Variants in FAR2 observed in about 807,000 individuals in gnomAD.
FAR2 encodes epididymis secretory protein Li 81.
A neutral mutation model predicts 56.0 loss-of-function variants in FAR2; 19 were observed. The observed-to-expected ratio is 0.34, with a 90% confidence interval of 0.24 to 0.50. The LOEUF (loss-of-function observed/expected upper bound fraction) is 0.50. Among genes scored for constraint, FAR2 ranks in the 20% least tolerant of loss-of-function variants. The pLI is 0.98. For synonymous variants in FAR2, 219 were observed against 218.8 expected (o/e 1.00, Z -0.01); for missense variants, 508 against 642.2 (o/e 0.79, Z 2.26).
intron 4 of FAR2, among the ~76,000 whole-genome samples, chr12:29,300,240 C>CA (rs1354010885): frequency 1.3e-5 from 2 of 152,210 alleles, no homozygotes; most frequent in Non-Finnish European, 2.9e-5. Flanking sequence ...CATATCCCCA[C>CA]ATCTTACCCT....
intron 1 of FAR2, among the ~76,000 whole-genome samples, chr12:29,150,382 G>A (rs1949672978): frequency 6.6e-6 from 1 of 152,202 alleles, no homozygotes; most frequent in Admixed American, 6.5e-5. Flanking sequence ...ATTATGTGAT[G>A]AGCAAGGACA....
At chr12:29,177,237 A>T (rs1054687679) in intron 1 of FAR2, among the ~76,000 whole-genome samples, 2 of 152,224 alleles carry the variant, frequency 1.3e-5, no homozygotes, top group Admixed American at 6.5e-5. Context: ...CCCGAATTTC[A>T]TCAGTCTTAT....
At position 29,317,021 on chromosome 12, in the gene FAR2, C is replaced by T; in HGVS notation, c.1127+9C>T. On this transcript the variant is annotated intron_variant, in intron 9 of 11. Coordinates refer to ENST00000536681, the MANE Select transcript of FAR2 (RefSeq NM_001271783.2). ...ACTGGAAGGAAGCCCAGGTGAGAAGCTGAGTCAATGGCTTTGAGAGTGTCA... is the reference window on the plus strand; with the variant it reads ...ACTGGAAGGAAGCCCAGGTGAGAAGTTGAGTCAATGGCTTTGAGAGTGTCA... The T allele has an allele frequency of 1.2e-6, 2 of 1,610,158 alleles. No homozygotes were observed. The highest frequency in any genetic ancestry group is 1.7e-6 in the Non-Finnish European group (2 of 1,177,732).
chr12:29,253,316 T>TATCTATCTAGATAGATATCTATATATAG (rs1948259604), intron 1 of FAR2, among the ~76,000 whole-genome samples: 1 of 104,900 alleles, frequency 9.5e-6, no homozygotes, highest in African/African-American at 4.5e-5. Flanking sequence ...TCTATATATC[T>TATCTATCTAGATAGATATCTATATATAG]ATATCTATCT....
At chr12:29,176,336 C>A (rs1367555189) in intron 1 of FAR2, among the ~76,000 whole-genome samples, 1 of 152,176 alleles carries the variant, frequency 6.6e-6, no homozygotes, top group Non-Finnish European at 1.5e-5. Flanking sequence ...GAGCCACTGG[C>A]CTGTCATGAA....
intron 1 of FAR2, among the ~76,000 whole-genome samples, chr12:29,244,811 G>A (rs1473512533): frequency 2.0e-5 from 3 of 152,106 alleles, no homozygotes; most frequent in Non-Finnish European, 4.4e-5. Context: ...AATGACTAAA[G>A]TCTCTACCCT....
chr12:29,322,138 T>A (rs190141606), intron 10 of FAR2, among the ~76,000 whole-genome samples: 1 of 152,322 alleles, frequency 6.6e-6, no homozygotes, highest in East Asian at 1.9e-4. Context: ...TGGACTTTGG[T>A]TAAATCTTTA....
intron 1 of FAR2, among the ~76,000 whole-genome samples, chr12:29,180,490 A>C (rs1027205393): frequency 3.9e-5 from 6 of 152,110 alleles, no homozygotes; most frequent in Admixed American, 1.3e-4. Flanking sequence ...TAGGGAGTTC[A>C]CTTAATTTGT....
intron 9 of FAR2, among the ~76,000 whole-genome samples, chr12:29,320,198 C>A (rs1253850900): frequency 6.6e-6 from 1 of 152,146 alleles, no homozygotes; most frequent in Admixed American, 6.5e-5. Flanking sequence ...TAAAGCGAGA[C>A]CCTGTCTCAG....
chr12:29,186,841 T>G (rs2136602992), intron 1 of FAR2, among the ~76,000 whole-genome samples: 1 of 152,154 alleles, frequency 6.6e-6, no homozygotes, highest in South Asian at 2.1e-4. Flanking sequence ...CAGGCTGGAG[T>G]GCAGTGGCGC....
At chr12:29,181,629 G>C (rs903407308) in intron 1 of FAR2, among the ~76,000 whole-genome samples, 3 of 152,006 alleles carry the variant, frequency 2.0e-5, no homozygotes, top group African/African-American at 7.2e-5. Flanking sequence ...ACACCCATCA[G>C]CTCCTCTTTC....
chr12:29,203,566 A>G (rs1027471275), intron 1 of FAR2, among the ~76,000 whole-genome samples: 8 of 152,202 alleles, frequency 5.3e-5, no homozygotes, highest in Non-Finnish European at 2.9e-5. Flanking sequence ...CTCTGAGGTG[A>G]CTGAATCCAT....
At chr12:29,209,882 C>A (rs1387372417) in intron 1 of FAR2, among the ~76,000 whole-genome samples, 1 of 152,068 alleles carries the variant, frequency 6.6e-6, no homozygotes, top group Non-Finnish European at 1.5e-5. Context: ...GTTTCTTATG[C>A]TTTTCTTACT....
chr12:29,274,493 G>A (rs550718835), intron 2 of FAR2, among the ~76,000 whole-genome samples: 7 of 151,984 alleles, frequency 4.6e-5, no homozygotes, highest in East Asian at 1.9e-4. Flanking sequence ...GAATAGTGCC[G>A]CAATAAACAT....
chr12:29,281,831 TG>T (rs1565503113), intron 2 of FAR2, among the ~76,000 whole-genome samples: 1 of 151,112 alleles, frequency 6.6e-6, no homozygotes, highest in Non-Finnish European at 1.5e-5. Context: ...CTGAACCAGA[TG>T]TGGAGGATTC....
intron 2 of FAR2, among the ~76,000 whole-genome samples, chr12:29,273,626 C>G (rs1010179692): frequency 7.9e-5 from 12 of 152,256 alleles, no homozygotes; most frequent in African/African-American, 2.7e-4. Context: ...TGCCCCTCCC[C>G]CAAGGAGCTC....
chr12:29,208,211 C>T (rs756614366), intron 1 of FAR2, among the ~76,000 whole-genome samples: 6 of 152,182 alleles, frequency 3.9e-5, no homozygotes, highest in Admixed American at 6.5e-5. Context: ...CTAAAAGCAA[C>T]GGAAATCCTC....
chr12:29,309,062 G>C lies in FAR2; in HGVS notation c.724-124G>C, dbSNP rs1949303265. ...TTGAGATCTTAATAATACTGAATTA[G>C]ATAGTTCTATTGGCTGGGATCTCAG... On this transcript the variant is annotated intron_variant, in intron 5 of 11. Transcript: ENST00000536681. 3 of 732,362 alleles carry C rather than the reference G, an allele frequency of 4.1e-6. No individual in the cohort carries two copies. In the South Asian group the frequency reaches 4.5e-5, roughly 11 times the overall value. 45.4% of individuals were successfully genotyped at this position (732,362 alleles called of 1,614,324 possible).
At chr12:29,298,863 C>G (rs1472587359) in intron 4 of FAR2, among the ~76,000 whole-genome samples, 1 of 152,140 alleles carries the variant, frequency 6.6e-6, no homozygotes, top group East Asian at 1.9e-4. Flanking sequence ...CTCTCTAACA[C>G]CTGACAGGTC....
Sources: gnomAD v4.1 joint callset for allele counts (sites outside exome capture counted in the v4.1 genomes callset) on GRCh38, gnomAD v4.1.1 for gene constraint, MANE v1.5 for transcripts, NCBI Gene and HGNC (gene_info 2026-07-23, HGNC 2026-07-21) for gene names.